Variants in KCNG3 observed in about 807,000 individuals in gnomAD.
KCNG3 encodes voltage-gated potassium channel regulatory subunit KCNG3.
KCNG3 carries 15 observed loss-of-function variants against 29.0 expected under a neutral mutation model. That is an observed-to-expected ratio of 0.52 (90% CI 0.35 to 0.80). KCNG3 has a LOEUF of 0.80. KCNG3 is among the 30% of genes least tolerant of loss of function. The pLI, the probability that KCNG3 is intolerant of heterozygous loss-of-function variation, is 0.01. For synonymous variants in KCNG3, 322 were observed against 248.9 expected (o/e 1.29, Z -2.76); for missense variants, 512 against 605.7 (o/e 0.85, Z 1.62).
intron 1 of KCNG3, among the ~76,000 whole-genome samples, chr2:42,446,142 G>A (rs1353226829): frequency 6.6e-6 from 1 of 151,846 alleles, no homozygotes; most frequent in Non-Finnish European, 1.5e-5. Context: ...CCTGTGAGCT[G>A]TAATTTGAAG....
At chr2:42,461,639 C>A (rs921083872) in intron 1 of KCNG3, among the ~76,000 whole-genome samples, 10 of 152,152 alleles carry the variant, frequency 6.6e-5, no homozygotes, top group Non-Finnish European at 1.3e-4. Flanking sequence ...CCTTAATCTT[C>A]AGGTGCCACA....
intron 1 of KCNG3, among the ~76,000 whole-genome samples, chr2:42,449,090 T>C (rs1313579210): frequency 1.3e-5 from 2 of 152,156 alleles, no homozygotes; most frequent in Non-Finnish European, 2.9e-5. Context: ...TTGGTATATG[T>C]GGGGGGTCCT....
At chr2:42,446,624 G>T (rs928598130) in intron 1 of KCNG3, among the ~76,000 whole-genome samples, 4 of 152,176 alleles carry the variant, frequency 2.6e-5, no homozygotes, top group African/African-American at 9.7e-5. Context: ...TGGGAGGAGA[G>T]TAGGTGGGGC....
intron 1 of KCNG3, among the ~76,000 whole-genome samples, chr2:42,472,829 T>C (rs2103711430): frequency 6.7e-6 from 1 of 148,700 alleles, no homozygotes; most frequent in African/African-American, 2.4e-5. Flanking sequence ...TCTAGATATC[T>C]ATATATAGAT....
intron 1 of KCNG3, chr2:42,463,237 C>T (rs1239419376): frequency 1.5e-5 from 5 of 327,450 alleles, no homozygotes; most frequent in South Asian, 3.3e-5. Flanking sequence ...CTTGGCTTTA[C>T]GGTCTGAGTG....
chr2:42,441,779 A>AATAT (rs748883001), downstream of KCNG3, among the ~76,000 whole-genome samples: 1 of 150,138 alleles, frequency 6.7e-6, no homozygotes. Flanking sequence ...GTATGTATAA[A>AATAT]ATATATATAT....
chr2:42,395,033 C>A, the KCNG3 span, among the ~76,000 whole-genome samples: 31 of 152,290 alleles, frequency 2.0e-4, no homozygotes, highest in Admixed American at 7.2e-4. Flanking sequence ...TCTTTCTCAA[C>A]CAAAATGCTC....
the KCNG3 span, among the ~76,000 whole-genome samples, chr2:42,397,321 G>A: frequency 2.6e-5 from 4 of 152,034 alleles, no homozygotes; most frequent in South Asian, 6.2e-4. Flanking sequence ...AGGATATACT[G>A]GCAGAAAAAA....
chr2:42,461,610 C>A (rs746458040), intron 1 of KCNG3, among the ~76,000 whole-genome samples: 2 of 152,200 alleles, frequency 1.3e-5, no homozygotes, highest in Non-Finnish European at 2.9e-5. Flanking sequence ...GCCCCACACT[C>A]TCCACTCCGG....
intron 1 of KCNG3, among the ~76,000 whole-genome samples, chr2:42,462,397 T>C (rs1378468582): frequency 6.6e-6 from 1 of 152,188 alleles, no homozygotes; most frequent in African/African-American, 2.4e-5. Context: ...GTCATGAAGA[T>C]CTGTCTAAAA....
At chr2:42,468,736 CG>C (rs1673205919) in intron 1 of KCNG3, among the ~76,000 whole-genome samples, 1 of 151,714 alleles carries the variant, frequency 6.6e-6, no homozygotes. Context: ...AAGTGGATCA[CG>C]AAGTCAGGAG....
At chr2:42,460,508 T>C (rs965020692) in intron 1 of KCNG3, among the ~76,000 whole-genome samples, 3 of 152,050 alleles carry the variant, frequency 2.0e-5, no homozygotes, top group South Asian at 4.2e-4. Flanking sequence ...AAAAATAGAA[T>C]GTAGAAAGTA....
At chr2:42,399,056 C>CTTTTTTTTTTTTTTTTTTTTTTTTTTTTT in the KCNG3 span, among the ~76,000 whole-genome samples, 3 of 107,632 alleles carry the variant, frequency 2.8e-5, no homozygotes, top group African/African-American at 1.1e-4. Flanking sequence ...TTTTTCTTTT[C>CTTTTTTTTTTTTTTTTTTTTTTTTTTTTT]TTTTTTTTTT....
In KCNG3 at chr2:42,493,576, G is replaced by C; in HGVS notation, c.-75C>G. ...CACCCCAAGCCGCCACGCGGGGCCT[G>C]CCTGCCCGTGGCTGACGGGGGAGCG... On this transcript the variant is annotated 5_prime_UTR_variant, in exon 1 of 2. Coordinates refer to ENST00000306078, the MANE Select transcript of KCNG3 (RefSeq NM_133329.6). 1 of 1,232,868 alleles carries C rather than the reference G, an allele frequency of 8.1e-7. No individual in the cohort carries two copies. The highest frequency in any genetic ancestry group is 1.0e-6 in the Non-Finnish European group (1 of 984,106). The allele number at this position is 1,232,868 out of a possible 1,614,324, so 76.4% of individuals were successfully genotyped here. A position where few individuals can be genotyped will look rare whatever the true frequency, so the allele number is the denominator to read the frequency against.
Position 42,492,895 on chromosome 2 carries a change from TGTC to T in KCNG3, c.604_606del (p.Asp202del). 1 of 1,560,494 alleles carries T rather than the reference TGTC, an allele frequency of 6.4e-7. No homozygotes were observed. ...CTGCTCCGGTCATCCAGGCTGCGGT[TGTC>T]GGCGGCTGCGTTGCGCCAGTCGGGC... is the stretch of plus-strand genomic sequence containing the variant. On this transcript the variant is annotated inframe_deletion, in exon 1 of 2. Coordinates refer to ENST00000306078, the MANE Select transcript of KCNG3 (RefSeq NM_133329.6).
At chr2:42,416,408 T>G in the KCNG3 span, among the ~76,000 whole-genome samples, 1 of 152,052 alleles carries the variant, frequency 6.6e-6, no homozygotes, top group Non-Finnish European at 1.5e-5. Context: ...GCCCAGAAGT[T>G]CAAGGTCAGC....
the KCNG3 span, among the ~76,000 whole-genome samples, chr2:42,401,418 A>T: frequency 6.7e-6 from 1 of 150,370 alleles, no homozygotes. Flanking sequence ...TATATAGAGA[A>T]AAATATATTT....
intron 1 of KCNG3, among the ~76,000 whole-genome samples, chr2:42,472,381 T>C (rs74704173): frequency 0.01 from 1,547 of 152,272 alleles, 24 homozygotes; most frequent in African/African-American, 0.035. Flanking sequence ...TTCGTGTACA[T>C]AATCATATAT....
the KCNG3 span, among the ~76,000 whole-genome samples, chr2:42,425,326 G>C: frequency 6.7e-6 from 1 of 149,934 alleles, no homozygotes; most frequent in African/African-American, 2.5e-5. Flanking sequence ...TTGAACCCGG[G>C]AGACAGAGGC....
Sources: gnomAD v4.1 joint callset for allele counts (sites outside exome capture counted in the v4.1 genomes callset) on GRCh38, gnomAD v4.1.1 for gene constraint, MANE v1.5 for transcripts, NCBI Gene and HGNC (gene_info 2026-07-23, HGNC 2026-07-21) for gene names.